Variants in TCTN3 observed in about 807,000 individuals in gnomAD.
TCTN3 encodes the protein tectonic family member 3.
A neutral mutation model predicts 71.3 loss-of-function variants in TCTN3; 57 were observed. The ratio of observed to expected loss-of-function variants is 0.80; its 90% CI spans 0.65 to 1.00. TCTN3 has a LOEUF of 1.00. TCTN3 is among the 50% of genes least tolerant of loss of function. TCTN3 has a pLI of 0.00. For missense variants in TCTN3, 696 were observed against 719.9 expected (o/e 0.97, Z 0.38); for synonymous variants, 258 against 267.8 (o/e 0.96, Z 0.36).
At chr10:95,673,166 G>C (rs2097933429) in intron 13 of TCTN3, among the ~76,000 whole-genome samples, 1 of 152,120 alleles carries the variant, frequency 6.6e-6, no homozygotes, top group Non-Finnish European at 1.5e-5. Context: ...CTTTTGGTGA[G>C]CAGAGATTTT....
chr10:95,686,505 T>C lies in TCTN3; in HGVS notation c.878A>G (p.Gln293Arg), dbSNP rs141231095. 31 of 1,614,128 alleles carry C rather than the reference T, an allele frequency of 1.9e-5. No homozygotes were observed. In the African/African-American group the frequency reaches 4.0e-4, roughly 21 times the overall value. The change falls in exon 7 of 14, where the codon CAG becomes CGG. Residue 293 changes from glutamine (Q) to arginine (R), a missense_variant. By Grantham distance (43) the Gln-to-Arg change is conservative. Transcript: ENST00000371217. ...LKVPRSMTDP[Q>R]NMEFQVPVIL... ...ACAACAGCATCATACCTCCATATTC[T>C]GTGGATCAGTCATGCTTCTTGGAAC... is the stretch of plus-strand genomic sequence containing the variant.
Position 95,677,474 on chromosome 10 carries a change from G to GTTTTTTTTTTTTTTTTTTT in TCTN3, c.1590+2997_1590+2998insAAAAAAAAAAAAAAAAAAA, listed in dbSNP as rs10654251. Among the ~76,000 whole-genome samples, 32 of 80,758 alleles carry GTTTTTTTTTTTTTTTTTTT rather than the reference G, an allele frequency of 4.0e-4. 2 individuals are homozygous for GTTTTTTTTTTTTTTTTTTT. Among genetic ancestry groups the GTTTTTTTTTTTTTTTTTTT allele is most frequent in the Middle Eastern group, 5.7e-3 (1 of 176 alleles). The allele number at this position is 80,758 out of a possible 152,430, so 53.0% of individuals were successfully genotyped here. A position where few individuals can be genotyped will look rare whatever the true frequency, so the allele number is the denominator to read the frequency against. On this transcript the variant is annotated intron_variant, in intron 13 of 13. Coordinates refer to ENST00000371217, the MANE Select transcript of TCTN3 (RefSeq NM_015631.6). ...ATACAAGAAGATAGTGAAGTCTACA[G>GTTTTTTTTTTTTTTTTTTT]TTTTTTTTGTTTTTTTTTTTTTTTT...
chr10:95,685,753 C>G (rs2097947685), intron 7 of TCTN3, 117 bp from the exon 8 acceptor site: 3 of 728,578 alleles, frequency 4.1e-6, no homozygotes, highest in Non-Finnish European at 6.8e-6. Flanking sequence ...CCCTCTCTCT[C>G]TCTTCTTCCA....
At chr10:95,691,496 C>A (rs1194226604) in intron 3 of TCTN3, among the ~76,000 whole-genome samples, 1 of 152,020 alleles carries the variant, frequency 6.6e-6, no homozygotes, top group Non-Finnish European at 1.5e-5. Flanking sequence ...TTCCCTTTAC[C>A]CTATTACCAT....
chr10:95,668,481 A>G (rs986763379), intron 13 of TCTN3, among the ~76,000 whole-genome samples: 4 of 152,216 alleles, frequency 2.6e-5, no homozygotes, highest in African/African-American at 9.6e-5. Context: ...CTAGAAGACA[A>G]TGAAAGAATG....
At chr10:95,683,397 T>C (rs1326695189) in intron 10 of TCTN3, 125 bp downstream of exon 10, 6 of 1,550,028 alleles carry the variant, frequency 3.9e-6, no homozygotes, top group Non-Finnish European at 5.2e-6. Flanking sequence ...CATATATTAG[T>C]ATATAAGTAC....
intron 6 of TCTN3, among the ~76,000 whole-genome samples, chr10:95,686,757 G>T (rs2097948683): frequency 6.6e-6 from 1 of 152,156 alleles, no homozygotes; most frequent in Non-Finnish European, 1.5e-5. Flanking sequence ...CTCTGACAGG[G>T]CTCTACTGAA....
chr10:95,667,273 T>C (rs1405249553), intron 13 of TCTN3, among the ~76,000 whole-genome samples: 1 of 152,198 alleles, frequency 6.6e-6, no homozygotes, highest in East Asian at 1.9e-4. Context: ...TAAAGACATG[T>C]CTTCTCCCTC....
chr10:95,693,882 G>A lies in TCTN3; in HGVS notation c.18C>T (p.Leu6=), dbSNP rs879694012. ...CCAGAAAGAACACTTGCAGGAGCGC[G>A]AGCTGTGGGGTGCGCATGGGGCATT... MRTPQ[L]ALLQVFFLVF... The change falls in exon 1 of 14, where the codon CTC becomes CTT. Residue 6 remains leucine (L), a synonymous_variant. Coordinates refer to ENST00000371217, the MANE Select transcript of TCTN3 (RefSeq NM_015631.6). 54 of 1,551,596 alleles carry A rather than the reference G, an allele frequency of 3.5e-5. No homozygotes were observed. The highest frequency in any genetic ancestry group is 5.9e-5 in the Admixed American group (3 of 50,994).
chr10:95,683,670 A>G, intron 9 of TCTN3, 41 bp from the exon 10 acceptor site: 1 of 1,557,980 alleles, frequency 6.4e-7, no homozygotes, highest in Non-Finnish European at 8.7e-7. Flanking sequence ...GGAGATAAGC[A>G]TACTTTCCCA....
chr10:95,678,712 T>C (rs966756071), intron 13 of TCTN3, among the ~76,000 whole-genome samples: 1 of 152,138 alleles, frequency 6.6e-6, no homozygotes, highest in African/African-American at 2.4e-5. Flanking sequence ...AAATTTATTA[T>C]AGAAGGAAAT....
chr10:95,670,083 A>G (rs2097929497), intron 13 of TCTN3, among the ~76,000 whole-genome samples: 1 of 147,072 alleles, frequency 6.8e-6, no homozygotes, highest in Non-Finnish European at 1.5e-5. Context: ...AAAAAAAAAA[A>G]AGAGTTAGCA....
Position 95,684,510 on chromosome 10 carries a change from G to A in TCTN3, c.1084C>T (p.Leu362Phe), listed in dbSNP as rs372797855. 3.1e-6 allele frequency: 5 copies of A among 1,614,004 alleles called. No individual in the cohort carries two copies. The highest frequency in any genetic ancestry group is 4.2e-6 in the Non-Finnish European group (5 of 1,179,918). ...PGASLQQHFI[L>F]RFRAFQQSTA... ...AGAAGGGCCCTAACCCTGAAGCGAA[G>A]GATGAAGTGTTGCTGTAAGGAAGCG... Residue 362 changes from leucine to phenylalanine, a missense_variant, in exon 9 of 14, where the codon CTT becomes TTT. Transcript: ENST00000371217.
intron 11 of TCTN3, 142 bp from the exon 12 acceptor site, chr10:95,682,946 A>G: frequency 7.8e-7 from 1 of 1,286,324 alleles, no homozygotes; most frequent in African/African-American, 1.5e-5. Context: ...AACAATTGCC[A>G]GAAAACTCTT....
At position 95,685,554 on chromosome 10, in the gene TCTN3, A is replaced by G; in HGVS notation, c.969+2T>C. On this transcript the variant is annotated splice_donor_variant, in intron 8 of 13. Transcript: ENST00000371217. LOFTEE classifies it high-confidence loss of function. ...TCCAGAATCTGAGGTCAGTATCCCTACCTGAGAAACTACATTCTGACAAGT... is the reference window on the plus strand; with the variant it reads ...TCCAGAATCTGAGGTCAGTATCCCTGCCTGAGAAACTACATTCTGACAAGT... The G allele has an allele frequency of 1.9e-6, 3 of 1,549,718 alleles. No homozygotes were observed. Among genetic ancestry groups the G allele is most frequent in the African/African-American group, 1.4e-5 (1 of 73,128 alleles).
At position 95,682,734 on chromosome 10, in the gene TCTN3, C is replaced by G. The variant is rs1468969259; in HGVS notation, c.1369G>C (p.Glu457Gln). The stretch of plus-strand genomic sequence containing the variant: ...GCATTACCAAAGATGGCAACATACT[C>G]TGGTCTGGGCCTTCCATGAAGAGTC... ...YQTLHGRPRP[E>Q]YVAIFGNADP... The change falls in exon 12 of 14, where the codon GAG becomes CAG. Residue 457 changes from glutamate (E) to glutamine (Q), a missense_variant. By Grantham distance (29) the Glu-to-Gln change is conservative (BLOSUM62 2). Coordinates refer to ENST00000371217, the MANE Select transcript of TCTN3 (RefSeq NM_015631.6). 1 of 1,614,194 alleles carries G rather than the reference C, an allele frequency of 6.2e-7. No individual in the cohort carries two copies. The highest frequency in any genetic ancestry group is 8.5e-7 in the Non-Finnish European group (1 of 1,180,028).
At chr10:95,686,592 G>T in intron 6 of TCTN3, 62 bp from the exon 7 acceptor site, 1 of 1,549,320 alleles carries the variant, frequency 6.5e-7, no homozygotes, top group South Asian at 1.2e-5. Flanking sequence ...AGGAGCTTGT[G>T]GTTTCATATT....
At position 95,682,678 on chromosome 10, in the gene TCTN3, C is replaced by T. The variant is rs144543830; in HGVS notation, c.1425G>A (p.Arg475=). ...AAATGCTGCAGTGCCTGTTGAGGAT[C>T]CTGGTCCACCCTCCTTTCTGGGCTG... The part of the protein sequence containing the change: ...ADPAQKGGWT[R]ILNRHCSISA... The change falls in exon 12 of 14, where the codon AGG becomes AGA. Residue 475 remains arginine (R), a synonymous_variant. Transcript: ENST00000371217. 4.7e-4 allele frequency: 763 copies of T among 1,613,958 alleles called. No homozygotes were observed. Among genetic ancestry groups the T allele is most frequent in the Middle Eastern group, 2.1e-3 (13 of 6,060 alleles).
At position 95,664,109 on chromosome 10, in the gene TCTN3, C is replaced by A; in HGVS notation, c.1782G>T (p.Leu594=). The A allele has an allele frequency of 1.2e-6, 2 of 1,614,094 alleles. No individual in the cohort carries two copies. Among genetic ancestry groups the A allele is most frequent in the Non-Finnish European group, 8.5e-7 (1 of 1,180,024 alleles). Residue 594 remains leucine, a synonymous_variant, in exon 14 of 14, where the codon CTG becomes CTT. Coordinates refer to ENST00000371217, the MANE Select transcript of TCTN3 (RefSeq NM_015631.6). ...QKCSVSPILI[L]CLLLLGVLNL... ...TGAGAACTCCAAGTAGTAAGAGGCA[C>A]AGGATAAGGATGGGAGAGACTGAGC...
Sources: allele counts gnomAD v4.1 joint callset (sites outside exome capture counted in the v4.1 genomes callset), GRCh38; gene constraint gnomAD v4.1.1; transcripts MANE v1.5; gene names NCBI Gene and HGNC (gene_info 2026-07-23, HGNC 2026-07-21).